TNRC6B: variants seen among roughly 807,000 people sequenced by gnomAD.
TNRC6B encodes trinucleotide repeat-containing gene 6B protein.
Under a neutral mutation model 203.6 loss-of-function variants are expected in TNRC6B, and 52 were observed. The ratio of observed to expected loss-of-function variants is 0.26; its 90% CI spans 0.20 to 0.32. The LOEUF is 0.32. TNRC6B is among the 10% of genes least tolerant of loss of function. The pLI is 1.00. For synonymous variants in TNRC6B, 838 were observed against 845.7 expected (o/e 0.99, Z 0.16); for missense variants, 1,923 against 2,286.2 (o/e 0.84, Z 3.24).
Position 40,263,381 on chromosome 22 carries a change from C to CT in TNRC6B, c.457+1210dup, listed in dbSNP as rs1383305785. Among the ~76,000 whole-genome samples the CT allele has an allele frequency of 2.0e-5, 3 of 152,198 alleles. No individual in the cohort carries two copies. In the East Asian group the frequency reaches 5.8e-4, roughly 29 times the overall value. ...AGATAAGCCCTACCCATGGCCTTTCCTTCCTGGCTCTCCAAACCAGCTGCA... is the reference window on the plus strand; with the variant it reads ...AGATAAGCCCTACCCATGGCCTTTCCTTTCCTGGCTCTCCAAACCAGCTGCA... On this transcript the variant is annotated intron_variant, in intron 4 of 22. Coordinates refer to ENST00000454349, the MANE Select transcript of TNRC6B (RefSeq NM_001162501.2).
intron 1 of TNRC6B, among the ~76,000 whole-genome samples, chr22:40,084,323 A>G (rs2068084883): frequency 1.3e-5 from 2 of 152,160 alleles, no homozygotes; most frequent in African/African-American, 4.8e-5. Flanking sequence ...GTGACACAAG[A>G]TGAGCTGAGT....
chr22:40,264,557 C>A, intron 4 of TNRC6B, 131 bp from the exon 5 acceptor site: 3 of 987,566 alleles, frequency 3.0e-6, no homozygotes, highest in South Asian at 2.2e-5. Context: ...GTGATACAAG[C>A]AACTGGGTTG....
At chr22:40,193,902 A>G (rs1461620669) in intron 1 of TNRC6B, among the ~76,000 whole-genome samples, 7 of 152,140 alleles carry the variant, frequency 4.6e-5, no homozygotes, top group African/African-American at 1.4e-4. Context: ...TGCCAGCCCT[A>G]AGAGCTTCAC....
intron 12 of TNRC6B, among the ~76,000 whole-genome samples, chr22:40,291,299 G>A (rs1421063961): frequency 6.6e-6 from 1 of 151,960 alleles, no homozygotes; most frequent in Non-Finnish European, 1.5e-5. Context: ...GTGAGAGGAT[G>A]ACCTGAGCCC....
In TNRC6B at chr22:40,312,980, A is replaced by G. The variant is rs1339032968; in HGVS notation, c.4661A>G (p.Asn1554Ser). 3 of 1,613,476 alleles carry G rather than the reference A, an allele frequency of 1.9e-6. No homozygotes were observed. The highest frequency in any genetic ancestry group is 2.5e-6 in the Non-Finnish European group (3 of 1,179,666). The change falls in exon 19 of 23, where the codon AAC becomes AGC. Residue 1554 changes from asparagine to serine, a missense_variant. Around this residue, in one of 8 missense-constraint regions of TNRC6B, gnomAD observed 159 missense variants for 181.0 expected, o/e 0.88. Coordinates refer to ENST00000454349, the MANE Select transcript of TNRC6B (RefSeq NM_001162501.2). ...AGTGCCTCTGACAACTCCTTTACCA[A>G]CGTTCATAGCACTTCAGGTATGAGT... ...PYSASDNSFT[N>S]VHSTSAKFPD...
intron 1 of TNRC6B, among the ~76,000 whole-genome samples, chr22:40,227,112 A>T (rs1023547737): frequency 2.1e-5 from 3 of 141,440 alleles, no homozygotes; most frequent in Non-Finnish European, 3.0e-5. Flanking sequence ...TATTATTATT[A>T]TTATTTGTAT....
Position 40,267,041 on chromosome 22 carries a change from G to T in TNRC6B, c.2806+5G>T. On this transcript the variant is annotated splice_donor_5th_base_variant and intron_variant, in intron 5 of 22. Coordinates refer to ENST00000454349, the MANE Select transcript of TNRC6B (RefSeq NM_001162501.2). ...TGACCAGTAAATCGGCATCAGGTAA[G>T]CAGTGGCTTTCTCTTGCAGCTTTTG... 1 of 1,560,780 alleles carries T rather than the reference G, an allele frequency of 6.4e-7. No homozygotes were observed. Among genetic ancestry groups the T allele is most frequent in the Admixed American group, 2.0e-5 (1 of 50,700 alleles).
rs578010577 is a variant in TNRC6B at position 40,329,561 on chromosome 22, C to G, written c.*6320C>G. ...AAATTCAACATCGACCCTCCCTAACCTGCTCACCATACCTCCCCACCCCAT... is the reference window on the plus strand; with the variant it reads ...AAATTCAACATCGACCCTCCCTAACGTGCTCACCATACCTCCCCACCCCAT... On this transcript the variant is annotated 3_prime_UTR_variant, in exon 23 of 23. Coordinates refer to ENST00000454349, the MANE Select transcript of TNRC6B (RefSeq NM_001162501.2). The G allele has an allele frequency of 3.1e-4, 47 of 152,106 alleles. No individual in the cohort carries two copies. Among genetic ancestry groups the G allele is most frequent in the African/African-American group, 1.1e-3 (46 of 41,418 alleles). 9.4% of individuals were successfully genotyped at this position (152,106 alleles called of 1,614,324 possible).
chr22:40,063,342 G>A (rs142482572), intron 1 of TNRC6B, among the ~76,000 whole-genome samples: 35 of 152,244 alleles, frequency 2.3e-4, no homozygotes, highest in Admixed American at 7.2e-4. Context: ...TACGTTTTGA[G>A]ATTAGGGAGT....
rs1332690273 is a variant in TNRC6B at position 40,267,022 on chromosome 22, G to A, written c.2792G>A (p.Ser931Asn). 4 of 1,598,050 alleles carry A rather than the reference G, an allele frequency of 2.5e-6. No individual in the cohort carries two copies. The highest frequency in any genetic ancestry group is 1.7e-5 in the Admixed American group (1 of 57,964). ...REPNLPTPMT[S>N]KSASVWSKST... is the part of the protein sequence containing the mutation. ...CCAAACCTGCCCACCCCAATGACCA[G>A]TAAATCGGCATCAGGTAAGCAGTGG... is the stretch of plus-strand genomic sequence containing the variant. The change falls in exon 5 of 23, where the codon AGT becomes AAT. Residue 931 changes from serine (S) to asparagine (N), a missense_variant. Around this residue, in one of 8 missense-constraint regions of TNRC6B, gnomAD observed 599 missense variants for 656.5 expected, o/e 0.91. Coordinates refer to ENST00000454349, the MANE Select transcript of TNRC6B (RefSeq NM_001162501.2).
chr22:40,057,499 G>T (rs2067810262), intron 1 of TNRC6B, among the ~76,000 whole-genome samples: 1 of 151,958 alleles, frequency 6.6e-6, no homozygotes, highest in Non-Finnish European at 1.5e-5. Flanking sequence ...CTCCATGTTG[G>T]TCAGGCTGGT....
intron 1 of TNRC6B, among the ~76,000 whole-genome samples, chr22:40,088,551 A>G (rs2146294754): frequency 6.7e-6 from 1 of 150,218 alleles, no homozygotes; most frequent in Non-Finnish European, 1.5e-5. Context: ...AGCTGGGATT[A>G]TAGGCACCTG....
chr22:40,248,870 A>T (rs1286979577), intron 2 of TNRC6B, among the ~76,000 whole-genome samples: 1 of 152,200 alleles, frequency 6.6e-6, no homozygotes, highest in Non-Finnish European at 1.5e-5. Flanking sequence ...ATCTTGTTTT[A>T]TTATACTGAA....
At chr22:40,165,959 G>T (rs6001818) in intron 4 of TNRC6B, among the ~76,000 whole-genome samples, 102,283 of 151,794 alleles carry the variant, frequency 0.67, 36,060 homozygotes, top group African/African-American at 0.89. Flanking sequence ...TTATTGGGTG[G>T]TTTTTTTTGT....
intron 1 of TNRC6B, among the ~76,000 whole-genome samples, chr22:40,182,067 C>A (rs2069138564): frequency 6.6e-6 from 1 of 151,512 alleles, no homozygotes; most frequent in Non-Finnish European, 1.5e-5. Flanking sequence ...ATATGGTGAA[C>A]CCTTGTCTCT....
Position 40,315,521 on chromosome 22 carries a change from GC to G in TNRC6B, c.4903+16del, listed in dbSNP as rs770429130. On this transcript the variant is annotated intron_variant, in intron 20 of 22. Transcript: ENST00000454349. The stretch of plus-strand genomic sequence containing the variant: ...GGCTCGCCTCGGGTGAGGAGGATCT[GC>G]CTAAAGGAACACCATTGTTCATCCA... 1.9e-6 allele frequency: 3 copies of G among 1,612,228 alleles called. No individual in the cohort carries two copies. In the East Asian group the frequency reaches 6.7e-5, roughly 36 times the overall value.
intron 1 of TNRC6B, among the ~76,000 whole-genome samples, chr22:40,098,854 A>C (rs1049385379): frequency 6.6e-6 from 1 of 152,002 alleles, no homozygotes; most frequent in Non-Finnish European, 1.5e-5. Flanking sequence ...CAGCCTCTCA[A>C]AGTGCTGGGA....
Position 40,265,825 on chromosome 22 carries a change from A to C in TNRC6B, c.1595A>C (p.Asn532Thr). The change falls in exon 5 of 23, where the codon AAT becomes ACT. Residue 532 changes from asparagine to threonine, a missense_variant. Transcript: ENST00000454349. ...GAATGGAGTGGTCCAAACCAACCAA[A>C]TTCTAGCACTGGAGCATGGGACAAT... ...IGEWSGPNQP[N>T]SSTGAWDNQK... is the part of the protein sequence containing the mutation. 1 of 1,613,990 alleles carries C rather than the reference A, an allele frequency of 6.2e-7. No individual in the cohort carries two copies. Among genetic ancestry groups the C allele is most frequent in the Non-Finnish European group, 8.5e-7 (1 of 1,179,890 alleles).
At chr22:40,297,327 G>A (rs1032433464) in intron 12 of TNRC6B, among the ~76,000 whole-genome samples, 24 of 152,194 alleles carry the variant, frequency 1.6e-4, no homozygotes, top group Admixed American at 1.5e-3. Context: ...GCTCTATCAA[G>A]TTCAGCATTC....
Sources: gnomAD v4.1 joint callset for allele counts (sites outside exome capture counted in the v4.1 genomes callset) on GRCh38, gnomAD v4.1.1 for gene constraint, gnomAD v4.1.1 regional missense constraint, MANE v1.5 for transcripts, NCBI Gene and HGNC (gene_info 2026-07-23, HGNC 2026-07-21) for gene names.